The following STX8 variants were observed in gnomAD, a reference collection of about 807,000 sequenced individuals.
STX8 encodes syntaxin 8.
Under a neutral mutation model 37.5 loss-of-function variants are expected in STX8, and 23 were observed. The observed-to-expected ratio is 0.61, with a 90% CI of 0.44 to 0.87. The LOEUF (loss-of-function observed/expected upper bound fraction) is 0.87, where lower values mean the gene tolerates loss of function less well. STX8 is among the 40% of genes least tolerant of loss of function. STX8 has a pLI of 0.00. For synonymous variants in STX8, 115 were observed against 99.1 expected (o/e 1.16, Z -0.95); for missense variants, 313 against 284.7 (o/e 1.10, Z -0.71).
At chr17:9,430,204 A>AATTTATATTTTT (rs1913906958) in intron 6 of STX8, among the ~76,000 whole-genome samples, 1 of 129,858 alleles carries the variant, frequency 7.7e-6, no homozygotes, top group Admixed American at 1.0e-4. Flanking sequence ...AATTATATAT[A>AATTTATATTTTT]ATTTATATAT....
chr17:9,406,939 G>T (rs1369689713), intron 6 of STX8, among the ~76,000 whole-genome samples: 1 of 152,134 alleles, frequency 6.6e-6, no homozygotes, highest in Non-Finnish European at 1.5e-5. Context: ...AGACTTGGAG[G>T]CAAGGAGGGC....
chr17:9,379,394 G>T (rs1911714535), intron 6 of STX8, among the ~76,000 whole-genome samples: 1 of 152,088 alleles, frequency 6.6e-6, no homozygotes, highest in African/African-American at 2.4e-5. Context: ...TTAAATACTG[G>T]ACTAAGAGTA....
chr17:9,302,611 G>A (rs886510325), intron 7 of STX8, among the ~76,000 whole-genome samples: 4 of 152,274 alleles, frequency 2.6e-5, no homozygotes, highest in African/African-American at 9.6e-5. Context: ...CACATAAGCA[G>A]CACACACTTC....
intron 5 of STX8, among the ~76,000 whole-genome samples, chr17:9,493,800 C>T (rs146673805): frequency 0.012 from 1,808 of 152,222 alleles, 39 homozygotes; most frequent in African/African-American, 0.041. Flanking sequence ...TCAACTTTCC[C>T]TGTCAAATTT....
At chr17:9,539,967 A>G (rs1018244216) in intron 4 of STX8, among the ~76,000 whole-genome samples, 6 of 152,234 alleles carry the variant, frequency 3.9e-5, no homozygotes, top group Admixed American at 6.5e-5. Context: ...CATGTCATAT[A>G]ATGAACAAGT....
intron 7 of STX8, among the ~76,000 whole-genome samples, chr17:9,360,795 C>T (rs180891069): frequency 1.6e-4 from 25 of 152,094 alleles, no homozygotes; most frequent in Admixed American, 5.2e-4. Context: ...GGAGGCTGCT[C>T]GGTAGACATG....
chr17:9,493,054 C>T (rs1315201546), intron 5 of STX8, among the ~76,000 whole-genome samples: 14 of 151,032 alleles, frequency 9.3e-5, no homozygotes, highest in South Asian at 2.1e-4. Flanking sequence ...GCTGAGATTG[C>T]GCCAATGCAC....
At chr17:9,452,539 T>C (rs1253895586) in intron 6 of STX8, 1 of 151,964 alleles carries the variant, frequency 6.6e-6, no homozygotes, top group Non-Finnish European at 1.5e-5. Flanking sequence ...TTTGGGATGG[T>C]GCTGAACCCG....
chr17:9,358,341 G>C (rs145921100), intron 7 of STX8, among the ~76,000 whole-genome samples: 43 of 151,932 alleles, frequency 2.8e-4, no homozygotes, highest in African/African-American at 9.7e-4. Flanking sequence ...GCAACTGAGC[G>C]AGACCCTGTC....
intron 7 of STX8, among the ~76,000 whole-genome samples, chr17:9,368,938 A>G (rs1177972556): frequency 7.5e-6 from 1 of 133,804 alleles, no homozygotes; most frequent in African/African-American, 3.5e-5. Context: ...TTTTTTTTTT[A>G]AAGAAACAGG....
chr17:9,346,180 T>C (rs181766136), intron 7 of STX8, among the ~76,000 whole-genome samples: 9 of 151,778 alleles, frequency 5.9e-5, no homozygotes, highest in African/African-American at 1.9e-4. Context: ...CCAGGAAGAG[T>C]AATCATGGTA....
intron 7 of STX8, among the ~76,000 whole-genome samples, chr17:9,375,776 A>G (rs1911559869): frequency 6.6e-6 from 1 of 152,188 alleles, no homozygotes; most frequent in Admixed American, 6.5e-5. Context: ...CATACACGCA[A>G]TCATTTATTT....
chr17:9,444,419 A>T (rs772241013), intron 6 of STX8, among the ~76,000 whole-genome samples: 11 of 152,220 alleles, frequency 7.2e-5, no homozygotes, highest in Non-Finnish European at 1.5e-4. Flanking sequence ...ACGACAAATC[A>T]TGTGTGTCCT....
At chr17:9,312,761 T>C (rs745489511) in intron 7 of STX8, among the ~76,000 whole-genome samples, 1 of 151,782 alleles carries the variant, frequency 6.6e-6, no homozygotes, top group Non-Finnish European at 1.5e-5. Flanking sequence ...TTTTTAGAGT[T>C]AGAGGTAGAA....
chr17:9,419,581 G>A (rs776199480), intron 6 of STX8, among the ~76,000 whole-genome samples: 8 of 152,144 alleles, frequency 5.3e-5, no homozygotes, highest in Admixed American at 1.3e-4. Flanking sequence ...ATTAAGTATC[G>A]AGAATGCTCT....
intron 7 of STX8, among the ~76,000 whole-genome samples, chr17:9,368,266 A>G (rs901986344): frequency 2.0e-5 from 3 of 152,126 alleles, no homozygotes; most frequent in Non-Finnish European, 4.4e-5. Context: ...GCACTTTGGG[A>G]GGCCGAGGAG....
intron 2 of STX8, among the ~76,000 whole-genome samples, chr17:9,563,558 G>C (rs1355640798): frequency 3.3e-5 from 5 of 151,856 alleles, no homozygotes; most frequent in African/African-American, 9.7e-5. Flanking sequence ...CACACGCATA[G>C]AGGCTTATTT....
In STX8 at chr17:9,417,303, A is replaced by AT. The variant is rs1004685429; in HGVS notation, c.542-38651dup. Reference sequence around the variant, plus strand: ...AGAGTTAGGGCCAAAGCTTTAGTATATTTTTTTCCTTTAATGCTAAGCCTA... The same window carrying AT: ...AGAGTTAGGGCCAAAGCTTTAGTATATTTTTTTTCCTTTAATGCTAAGCCTA... On this transcript the variant is annotated intron_variant, in intron 6 of 7. Transcript: ENST00000306357. 3.0e-4 allele frequency among the ~76,000 whole-genome samples: 46 copies of AT among 152,094 alleles called. No individual in the cohort carries two copies. In the Middle Eastern group the frequency reaches 0.014, roughly 45 times the overall value.
intron 4 of STX8, among the ~76,000 whole-genome samples, chr17:9,531,683 T>G (rs1905823623): frequency 6.6e-6 from 1 of 152,226 alleles, no homozygotes; most frequent in Non-Finnish European, 1.5e-5. Context: ...GGTCTTAGAA[T>G]GTGTCCTCTG....
Sources: allele counts gnomAD v4.1 joint callset (sites outside exome capture counted in the v4.1 genomes callset), GRCh38; gene constraint gnomAD v4.1.1; transcripts MANE v1.5; gene names NCBI Gene and HGNC (gene_info 2026-07-23, HGNC 2026-07-21).